PRTFDC1: variants seen among roughly 807,000 people sequenced by gnomAD.
The protein encoded by PRTFDC1 is phosphoribosyl transferase domain containing 1.
Under a neutral mutation model 34.6 loss-of-function variants are expected in PRTFDC1, and 38 were observed. That is an observed-to-expected ratio of 1.10 (90% CI 0.85 to 1.44). The LOEUF is 1.44. PRTFDC1 is among the 40% of genes most tolerant of loss of function. PRTFDC1 has a pLI of 0.00. For synonymous variants in PRTFDC1, 93 were observed against 98.1 expected, an observed-to-expected ratio of 0.95 and a Z score of 0.31; for missense variants, 270 against 283.0, an observed-to-expected ratio of 0.95 and a Z score of 0.33.
At chr10:24,879,797 C>T (rs1056674261) in intron 3 of PRTFDC1, among the ~76,000 whole-genome samples, 3 of 152,190 alleles carry the variant, frequency 2.0e-5, no homozygotes, top group Non-Finnish European at 4.4e-5. Flanking sequence ...TTTGCACCAA[C>T]CTAATATCAT....
intron 1 of PRTFDC1, among the ~76,000 whole-genome samples, chr10:24,946,310 G>A (rs979457463): frequency 2.0e-5 from 3 of 152,038 alleles, no homozygotes; most frequent in African/African-American, 7.2e-5. Context: ...AAAACCTATG[G>A]ATAGGGTTAT....
intron 3 of PRTFDC1, among the ~76,000 whole-genome samples, chr10:24,880,256 C>CTT (rs567139175): frequency 1.4e-5 from 2 of 139,130 alleles, no homozygotes; most frequent in Non-Finnish European, 3.1e-5. Context: ...TCTTTTTTTT[C>CTT]TTTTTTTTTT....
intron 3 of PRTFDC1, among the ~76,000 whole-genome samples, chr10:24,875,616 C>A (rs56291772): frequency 0.045 from 6,895 of 151,764 alleles, 498 homozygotes; most frequent in African/African-American, 0.15. Context: ...TTATATCTTC[C>A]AAGTGGGTAT....
At chr10:24,884,426 A>G (rs991716391) in intron 3 of PRTFDC1, among the ~76,000 whole-genome samples, 2 of 152,118 alleles carry the variant, frequency 1.3e-5, no homozygotes, top group Non-Finnish European at 1.5e-5. Flanking sequence ...GGGCCCAAAA[A>G]GTTGAGCTCT....
chr10:24,863,988 C>T (rs1847730600), intron 4 of PRTFDC1, among the ~76,000 whole-genome samples: 1 of 141,070 alleles, frequency 7.1e-6, no homozygotes, highest in Admixed American at 7.7e-5. Flanking sequence ...CCACTGCACA[C>T]CAGCGACAGA....
intron 6 of PRTFDC1, among the ~76,000 whole-genome samples, chr10:24,855,929 C>G (rs1456820374): frequency 6.6e-6 from 1 of 152,002 alleles, no homozygotes; most frequent in African/African-American, 2.4e-5. Flanking sequence ...GCCTGGCCAA[C>G]ATGGTGAAAA....
intron 4 of PRTFDC1, among the ~76,000 whole-genome samples, chr10:24,867,161 G>A (rs192723939): frequency 1.5e-4 from 23 of 152,136 alleles, no homozygotes; most frequent in Non-Finnish European, 2.8e-4. Context: ...CTAACTCACA[G>A]CATGACAAGA....
chr10:24,905,522 A>G (rs956461336), intron 3 of PRTFDC1, among the ~76,000 whole-genome samples: 12 of 151,908 alleles, frequency 7.9e-5, no homozygotes, highest in African/African-American at 2.4e-4. Flanking sequence ...GGGTTTTGCC[A>G]TGTTGGCCAA....
At chr10:24,866,671 C>A (rs922934817) in intron 4 of PRTFDC1, among the ~76,000 whole-genome samples, 4 of 152,060 alleles carry the variant, frequency 2.6e-5, no homozygotes, top group Admixed American at 1.3e-4. Flanking sequence ...ACATCATGAA[C>A]TGAAGAGGCC....
intron 3 of PRTFDC1, among the ~76,000 whole-genome samples, chr10:24,920,898 ATCT>A (rs1848778050): frequency 6.6e-6 from 1 of 152,206 alleles, no homozygotes; most frequent in South Asian, 2.1e-4. Context: ...TATTTCACTA[ATCT>A]TCTAAAATTA....
At position 24,858,268 on chromosome 10, in the gene PRTFDC1, G is replaced by A. The variant is rs1447207819; in HGVS notation, c.423+124C>T. ...TATCTGGCCCCTATTCATTAAATTT[G>A]GAGAGCATGCACCCAGTGGGAGCTC... On this transcript the variant is annotated intron_variant, in intron 5 of 8. Coordinates refer to ENST00000320152, the MANE Select transcript of PRTFDC1 (RefSeq NM_020200.7). 7.3e-6 allele frequency: 7 copies of A among 958,364 alleles called. No homozygotes were observed. The East Asian group carries it at 7.6e-5, about 10-fold the overall frequency. The allele number at this position is 958,364 out of a possible 1,614,324, so 59.4% of individuals were successfully genotyped here.
intron 3 of PRTFDC1, among the ~76,000 whole-genome samples, chr10:24,897,796 A>G (rs989053379): frequency 2.6e-5 from 4 of 152,246 alleles, no homozygotes; most frequent in Non-Finnish European, 5.9e-5. Flanking sequence ...AGATATATAC[A>G]TGAAATGCAA....
intron 7 of PRTFDC1, among the ~76,000 whole-genome samples, chr10:24,853,395 T>C (rs1192106968): frequency 1.3e-5 from 2 of 151,972 alleles, no homozygotes; most frequent in Non-Finnish European, 2.9e-5. Context: ...GTGGATCACC[T>C]GAGGTCAGGA....
intron 3 of PRTFDC1, among the ~76,000 whole-genome samples, chr10:24,910,030 A>G (rs150051807): frequency 0.019 from 2,867 of 151,246 alleles, 105 homozygotes; most frequent in African/African-American, 0.066. Context: ...GCATGGTGGT[A>G]CATGCCTGTA....
chr10:24,888,419 G>A (rs749074692), intron 3 of PRTFDC1, among the ~76,000 whole-genome samples: 3 of 152,174 alleles, frequency 2.0e-5, no homozygotes, highest in Non-Finnish European at 4.4e-5. Context: ...CATATGTAAA[G>A]TGCTTTACCC....
Position 24,889,061 on chromosome 10 carries a change from G to A in PRTFDC1, c.340-16998C>T, listed in dbSNP as rs140865283. Among the ~76,000 whole-genome samples the A allele has an allele frequency of 2.4e-3, 358 of 152,096 alleles. 1 individual carries two copies. The highest frequency in any genetic ancestry group is 8.0e-3 in the African/African-American group (334 of 41,502). On this transcript the variant is annotated intron_variant, in intron 3 of 8. Transcript: ENST00000320152. ...TGCCCCAAATTCAGATGTTGAAATC[G>A]AATCACCATGATACTAGGAGGTGGG...
At chr10:24,896,579 G>A (rs112395800) in intron 3 of PRTFDC1, among the ~76,000 whole-genome samples, 1,843 of 152,264 alleles carry the variant, frequency 0.012, 47 homozygotes, top group African/African-American at 0.043. Flanking sequence ...TTTTCTTAAT[G>A]GAAAGGGAGA....
intron 4 of PRTFDC1, among the ~76,000 whole-genome samples, chr10:24,861,479 A>G (rs946851890): frequency 6.6e-6 from 1 of 152,086 alleles, no homozygotes; most frequent in African/African-American, 2.4e-5. Flanking sequence ...CAGCCTGGGC[A>G]ACAGAGTAAG....
chr10:24,881,155 ACTCCTGGCCTCAAG>A (rs1426312551), intron 3 of PRTFDC1, among the ~76,000 whole-genome samples: 16 of 151,036 alleles, frequency 1.1e-4, no homozygotes, highest in Admixed American at 8.0e-4. Flanking sequence ...GCAGCCTCAA[ACTCCTGGCCTCAAG>A]CGATCTCCCA....
Sources: allele counts gnomAD v4.1 joint callset (sites outside exome capture counted in the v4.1 genomes callset), GRCh38; gene constraint gnomAD v4.1.1; transcripts MANE v1.5; gene names NCBI Gene and HGNC (gene_info 2026-07-23, HGNC 2026-07-21).